The following VWA8 variants were observed in gnomAD, a reference collection of about 807,000 sequenced individuals.
The protein encoded by VWA8 is von Willebrand factor A domain containing 8.
A neutral mutation model predicts 241.5 loss-of-function variants in VWA8; 221 were observed. That is an observed-to-expected ratio of 0.91 (90% CI 0.82 to 1.02). The LOEUF (loss-of-function observed/expected upper bound fraction) is 1.02, where lower values mean the gene tolerates loss of function less well. Among genes scored for constraint, VWA8 ranks in the 50% least tolerant of loss-of-function variants. VWA8 has a pLI of 0.00. For synonymous variants in VWA8, 852 were observed against 827.1 expected, an observed-to-expected ratio of 1.03 and a Z score of -0.52; for missense variants, 2,322 against 2,328.7, an observed-to-expected ratio of 1.00 and a Z score of 0.06.
intron 9 of VWA8, among the ~76,000 whole-genome samples, chr13:41,872,524 T>C (rs1179552581): frequency 1.3e-5 from 2 of 152,196 alleles, no homozygotes; most frequent in Non-Finnish European, 2.9e-5. Flanking sequence ...TTTCTACATA[T>C]GGCTAGCCAG....
intron 4 of VWA8, among the ~76,000 whole-genome samples, chr13:41,899,106 C>T (rs1365984134): frequency 1.5e-4 from 23 of 152,214 alleles, no homozygotes; most frequent in African/African-American, 3.1e-4. Flanking sequence ...CGAGAGCAAG[C>T]GAGGGCTCTG....
rs181448260 is a variant in VWA8, at chr13:41,857,094, T to C, written c.1425+8642A>G. ...TTATCAAGAGGCTTTCAATTCTCTTTTGAAGCTGGAAAATACGGATAACAA... is the reference window on the plus strand; with the variant it reads ...TTATCAAGAGGCTTTCAATTCTCTTCTGAAGCTGGAAAATACGGATAACAA... On this transcript the variant is annotated intron_variant, in intron 12 of 44. Coordinates refer to ENST00000379310, the MANE Select transcript of VWA8 (RefSeq NM_015058.2). Among the ~76,000 whole-genome samples the C allele has an allele frequency of 7.2e-5, 11 of 152,282 alleles. No individual in the cohort carries two copies. In the East Asian group the frequency reaches 2.1e-3, roughly 29 times the overall value.
intron 28 of VWA8, among the ~76,000 whole-genome samples, chr13:41,699,780 G>A (rs1407962916): frequency 6.6e-6 from 1 of 152,018 alleles, no homozygotes; most frequent in Non-Finnish European, 1.5e-5. Context: ...CCAAATTTTT[G>A]TTCATATTTG....
At chr13:41,607,307 T>C (rs2044559431) in intron 39 of VWA8, among the ~76,000 whole-genome samples, 1 of 152,186 alleles carries the variant, frequency 6.6e-6, no homozygotes, top group Admixed American at 6.5e-5. Context: ...TGAATGGTTG[T>C]ATCTTGAGGT....
chr13:41,721,668 T>C lies in VWA8; in HGVS notation c.2759-93A>G, dbSNP rs1593719384. On this transcript the variant is annotated intron_variant, in intron 24 of 44. Transcript: ENST00000379310. ...AATGGTTGTTTAAAGAGCCACTGGT[T>C]GCTCATCAAAGCATAGAAAGCCCAT... 6 of 1,325,628 alleles carry C rather than the reference T, an allele frequency of 4.5e-6. No homozygotes were observed. In the East Asian group the frequency reaches 1.4e-4, roughly 31 times the overall value. The allele number at this position is 1,325,628 out of a possible 1,614,324, so 82.1% of individuals were successfully genotyped here. A position where few individuals can be genotyped will look rare whatever the true frequency, so the allele number is the denominator to read the frequency against.
chr13:41,756,653 T>C (rs1156600086), intron 21 of VWA8, among the ~76,000 whole-genome samples: 1 of 151,750 alleles, frequency 6.6e-6, no homozygotes, highest in African/African-American at 2.4e-5. Context: ...TACATCTCCA[T>C]GGTGAAGTGA....
chr13:41,876,723 G>GAGTGAATATTATA (rs1443942896), intron 9 of VWA8, among the ~76,000 whole-genome samples: 2 of 152,104 alleles, frequency 1.3e-5, no homozygotes, highest in African/African-American at 4.8e-5. Flanking sequence ...AATCTTTTTT[G>GAGTGAATATTATA]AGTGAATATT....
chr13:41,923,201 C>T (rs559865499), intron 2 of VWA8, among the ~76,000 whole-genome samples: 9 of 152,236 alleles, frequency 5.9e-5, no homozygotes, highest in East Asian at 3.9e-4. Context: ...AAACAAACAC[C>T]GCATGTTCTC....
intron 21 of VWA8, among the ~76,000 whole-genome samples, chr13:41,734,637 C>T (rs2045511466): frequency 6.6e-6 from 1 of 152,194 alleles, no homozygotes; most frequent in East Asian, 1.9e-4. Context: ...CTTGAGCAAA[C>T]AGTTTCTTCA....
In VWA8 at chr13:41,865,754, T is replaced by C. The variant is rs1873261015; in HGVS notation, c.1407A>G (p.Glu469=). ...NFADTLGYNI[E]PIMLYQDMTA... The stretch of plus-strand genomic sequence containing the variant: ...ACTGTACCTGATAGAGCATAATAGG[T>C]TCTATGTTGTATCCTAAGGTATCGG... The change falls in exon 12 of 45, where the codon GAA becomes GAG. Residue 469 remains glutamate, a synonymous_variant. Transcript: ENST00000379310. The C allele has an allele frequency of 6.2e-7, 1 of 1,613,840 alleles. No individual in the cohort carries two copies. The highest frequency in any genetic ancestry group is 1.3e-5 in the African/African-American group (1 of 74,912).
chr13:41,774,267 G>C (rs1321240844), intron 20 of VWA8, among the ~76,000 whole-genome samples: 4 of 152,136 alleles, frequency 2.6e-5, no homozygotes, highest in Admixed American at 1.3e-4. Flanking sequence ...AGCCTCCGAA[G>C]TAGATGGGAC....
chr13:41,719,378 A>G, intron 26 of VWA8: 1 of 1,389,682 alleles, frequency 7.2e-7, no homozygotes, highest in Non-Finnish European at 9.3e-7. Context: ...ACATCTACTC[A>G]TGGGACATAC....
intron 21 of VWA8, among the ~76,000 whole-genome samples, chr13:41,749,075 T>C (rs2045633114): frequency 1.3e-5 from 2 of 152,096 alleles, no homozygotes; most frequent in Admixed American, 6.5e-5. Context: ...ACAGGCAACC[T>C]ACAGAATAGA....
At position 41,865,740 on chromosome 13, in the gene VWA8, T is replaced by G; in HGVS notation, c.1421A>C (p.Tyr474Ser). 1.2e-6 allele frequency: 2 copies of G among 1,613,704 alleles called. No individual in the cohort carries two copies. Among genetic ancestry groups the G allele is most frequent in the Non-Finnish European group, 1.7e-6 (2 of 1,180,028 alleles). ...AGCTAAAAATGAACACTGTACCTGA[T>G]AGAGCATAATAGGTTCTATGTTGTA... ...LGYNIEPIML[Y>S]QDMTARDLLQ... is the part of the protein sequence containing the mutation. Residue 474 changes from tyrosine to serine, a missense_variant, in exon 12 of 45, where the codon TAT (tyrosine) becomes TCT (serine). Transcript: ENST00000379310.
intron 1 of VWA8, 111 bp from the exon 2 acceptor site, chr13:41,950,124 T>A: frequency 1.7e-6 from 1 of 582,692 alleles, no homozygotes; most frequent in East Asian, 3.1e-5. Context: ...AGAAATGTAC[T>A]ACGCAGCTGT....
At chr13:41,588,115 G>A (rs751343695) in intron 41 of VWA8, among the ~76,000 whole-genome samples, 1 of 152,322 alleles carries the variant, frequency 6.6e-6, no homozygotes, top group Non-Finnish European at 1.5e-5. Context: ...GTAGTGACCT[G>A]AAAATTATTC....
At chr13:41,781,299 A>C (rs1029117907) in intron 19 of VWA8, among the ~76,000 whole-genome samples, 2 of 152,068 alleles carry the variant, frequency 1.3e-5, no homozygotes, top group Non-Finnish European at 2.9e-5. Context: ...CAATTTATAT[A>C]TAGCTCCCTA....
intron 17 of VWA8, among the ~76,000 whole-genome samples, chr13:41,798,102 C>T (rs1459933893): frequency 6.6e-6 from 1 of 152,094 alleles, no homozygotes; most frequent in East Asian, 1.9e-4. Context: ...TTATTCAATA[C>T]TTCTATTCTC....
intron 37 of VWA8, among the ~76,000 whole-genome samples, chr13:41,625,297 C>A (rs894268012): frequency 3.3e-5 from 5 of 151,966 alleles, no homozygotes; most frequent in Admixed American, 1.3e-4. Flanking sequence ...AACAGGCAAC[C>A]TACAAAATGG....
Sources: gnomAD v4.1 joint callset for allele counts (sites outside exome capture counted in the v4.1 genomes callset) on GRCh38, gnomAD v4.1.1 for gene constraint, MANE v1.5 for transcripts, NCBI Gene and HGNC (gene_info 2026-07-23, HGNC 2026-07-21) for gene names.